Variants in ATRNL1 observed in about 807,000 individuals in gnomAD.
ATRNL1 encodes attractin like 1.
A neutral mutation model predicts 182.7 loss-of-function variants in ATRNL1; 95 were observed. That is an observed-to-expected ratio of 0.52 (90% CI 0.44 to 0.62). The LOEUF (loss-of-function observed/expected upper bound fraction) is 0.62. Ranked by LOEUF, ATRNL1 falls within the 20% of genes least tolerant of loss-of-function variation. ATRNL1 has a pLI of 0.00. For synonymous variants in ATRNL1, 576 were observed against 568.3 expected, an observed-to-expected ratio of 1.01 and a Z score of -0.19; for missense variants, 1,471 against 1,679.5, an observed-to-expected ratio of 0.88 and a Z score of 2.17.
chr10:115,523,947 A>C (rs1851082823), intron 25 of ATRNL1, among the ~76,000 whole-genome samples: 1 of 152,202 alleles, frequency 6.6e-6, no homozygotes, highest in South Asian at 2.1e-4. Flanking sequence ...AAAGAGGTTT[A>C]CTTGGCTCAT....
chr10:115,901,283 T>C (rs1362473615), intron 28 of ATRNL1, among the ~76,000 whole-genome samples: 2 of 152,212 alleles, frequency 1.3e-5, no homozygotes, highest in African/African-American at 4.8e-5. Flanking sequence ...TGATAAAATA[T>C]GTATATGGAG....
At chr10:115,721,670 C>T (rs184883897) in intron 26 of ATRNL1, among the ~76,000 whole-genome samples, 180 of 152,244 alleles carry the variant, frequency 1.2e-3, no homozygotes, top group Non-Finnish European at 2.0e-3. Context: ...TCCTCCCACT[C>T]GGTCCCTCCC....
rs1420414111 is a variant in ATRNL1, at chr10:115,302,942, C to T, written c.2818+899C>T. Among the ~76,000 whole-genome samples the T allele has an allele frequency of 3.6e-5, 5 of 137,312 alleles. No homozygotes were observed. The South Asian group carries it at 6.2e-4, about 17-fold the overall frequency. The allele number at this position is 137,312 out of a possible 152,430, so 90.1% of individuals were successfully genotyped here. On this transcript the variant is annotated intron_variant, in intron 17 of 28. Coordinates refer to ENST00000355044, the MANE Select transcript of ATRNL1 (RefSeq NM_207303.4). Reference sequence around the variant, plus strand: ...TCTGCAATCCACTCTTTGACACTGACGCTCATCAAAAATATGCCTTTTCAC... The same window carrying T: ...TCTGCAATCCACTCTTTGACACTGATGCTCATCAAAAATATGCCTTTTCAC...
intron 28 of ATRNL1, among the ~76,000 whole-genome samples, chr10:115,938,003 T>C (rs1555123273): frequency 6.6e-6 from 1 of 152,196 alleles, no homozygotes; most frequent in East Asian, 1.9e-4. Flanking sequence ...AAAATTAAAA[T>C]ATATAATGGT....
intron 5 of ATRNL1, among the ~76,000 whole-genome samples, chr10:115,138,822 G>T (rs1404017730): frequency 2.0e-5 from 3 of 152,192 alleles, no homozygotes; most frequent in African/African-American, 7.2e-5. Flanking sequence ...TATGCAGCCA[G>T]CTTTCTCCTT....
chr10:115,153,862 A>G (rs1378699729), intron 5 of ATRNL1, among the ~76,000 whole-genome samples: 6 of 152,224 alleles, frequency 3.9e-5, no homozygotes, highest in Non-Finnish European at 5.9e-5. Flanking sequence ...ATTTAGTGCT[A>G]TAAATTTCCC....
intron 26 of ATRNL1, among the ~76,000 whole-genome samples, chr10:115,656,414 C>T (rs946828923): frequency 6.6e-6 from 1 of 152,180 alleles, no homozygotes; most frequent in Non-Finnish European, 1.5e-5. Flanking sequence ...TCTCTGGCTA[C>T]TCCAGTTTAT....
intron 26 of ATRNL1, among the ~76,000 whole-genome samples, chr10:115,700,870 AC>A (rs1946713108): frequency 6.6e-6 from 1 of 152,074 alleles, no homozygotes; most frequent in African/African-American, 2.4e-5. Context: ...GAAGTGCAAC[AC>A]CCCACTAACA....
intron 13 of ATRNL1, among the ~76,000 whole-genome samples, chr10:115,273,236 TG>T (rs1301807383): frequency 3.7e-4 from 56 of 152,184 alleles, no homozygotes; most frequent in African/African-American, 1.3e-3. Context: ...ATGGCCACTT[TG>T]TCCATGAGCC....
At chr10:115,683,858 A>G (rs1490563425) in intron 26 of ATRNL1, among the ~76,000 whole-genome samples, 8 of 152,000 alleles carry the variant, frequency 5.3e-5, no homozygotes, top group African/African-American at 1.9e-4. Context: ...TTTAAGATTT[A>G]GCATAAATTA....
intron 24 of ATRNL1, among the ~76,000 whole-genome samples, chr10:115,518,816 TAAC>T (rs1850766624): frequency 6.6e-6 from 1 of 151,954 alleles, no homozygotes; most frequent in African/African-American, 2.4e-5. Context: ...TTATTAACAT[TAAC>T]AAGTTTTAAA....
chr10:115,612,257 GAA>G (rs1220686645), intron 26 of ATRNL1, among the ~76,000 whole-genome samples: 3 of 134,894 alleles, frequency 2.2e-5, no homozygotes, highest in Non-Finnish European at 4.9e-5. Flanking sequence ...CATCTCAAAA[GAA>G]AAAAAAAAAA....
At chr10:115,487,533 C>T (rs1849083430) in intron 24 of ATRNL1, among the ~76,000 whole-genome samples, 1 of 151,972 alleles carries the variant, frequency 6.6e-6, no homozygotes, top group African/African-American at 2.4e-5. Context: ...CATGATTTGA[C>T]TGTTATTGGT....
intron 24 of ATRNL1, among the ~76,000 whole-genome samples, chr10:115,475,694 T>G (rs893434342): frequency 3.3e-5 from 5 of 151,386 alleles, no homozygotes; most frequent in African/African-American, 4.8e-5. Flanking sequence ...AACAAAACCT[T>G]ACCTATTGCA....
At chr10:115,632,701 TTTGTTATTCATCATACTGGGAAA>T (rs1396956489) in intron 26 of ATRNL1, among the ~76,000 whole-genome samples, 1 of 152,104 alleles carries the variant, frequency 6.6e-6, no homozygotes, top group African/African-American at 2.4e-5. Context: ...GCATTATTTA[TTTGTTATTCATCATACTGGGAAA>T]TTGTAGCAGG....
At chr10:115,172,384 CT>C (rs34535180) in intron 8 of ATRNL1, among the ~76,000 whole-genome samples, 31,886 of 151,784 alleles carry the variant, frequency 0.21, 4,295 homozygotes, top group Non-Finnish European at 0.3. Context: ...TGTTTTATTT[CT>C]TGAGGAATTT....
At chr10:115,440,777 A>G (rs596367) in intron 21 of ATRNL1, among the ~76,000 whole-genome samples, 2,767 of 150,582 alleles carry the variant, frequency 0.018, 82 homozygotes, top group African/African-American at 0.064. Context: ...TGCTGGGGGG[A>G]AAAAAAAATC....
chr10:115,714,695 T>C (rs545489647), intron 26 of ATRNL1, among the ~76,000 whole-genome samples: 11 of 152,262 alleles, frequency 7.2e-5, no homozygotes, highest in African/African-American at 2.2e-4. Flanking sequence ...TGTCCATTTC[T>C]AGAGAAAGGG....
intron 13 of ATRNL1, among the ~76,000 whole-genome samples, chr10:115,270,966 C>G (rs561585907): frequency 2.6e-5 from 4 of 152,176 alleles, no homozygotes; most frequent in Admixed American, 2.0e-4. Context: ...TAACATAATA[C>G]AAGTATCCTG....
Sources: allele counts gnomAD v4.1 joint callset (sites outside exome capture counted in the v4.1 genomes callset), GRCh38; gene constraint gnomAD v4.1.1; transcripts MANE v1.5; gene names NCBI Gene and HGNC (gene_info 2026-07-23, HGNC 2026-07-21).